EFCAB5: variants seen among roughly 807,000 people sequenced by gnomAD.
EFCAB5 encodes the protein EF-hand calcium-binding domain-containing protein 5.
EFCAB5 carries 131 observed loss-of-function variants against 167.9 expected under a neutral mutation model. That is an observed-to-expected ratio of 0.78 (90% CI 0.68 to 0.90). EFCAB5 has a LOEUF of 0.90. EFCAB5 is among the 40% of genes least tolerant of loss of function. The probability of loss-of-function intolerance (pLI) is 0.00; values close to 1 mark genes in which losing one functional copy is unlikely to be tolerated. For missense variants in EFCAB5, 1,663 were observed against 1,745.2 expected (o/e 0.95, Z 0.84); for synonymous variants, 574 against 602.8 (o/e 0.95, Z 0.70).
At chr17:30,002,101 C>A (rs1410117209) in intron 7 of EFCAB5, among the ~76,000 whole-genome samples, 4 of 152,024 alleles carry the variant, frequency 2.6e-5, no homozygotes, top group Non-Finnish European at 5.9e-5. Context: ...TTTGGTTATG[C>A]CTAATATCCT....
At chr17:30,043,139 C>T (rs1272535856) in intron 8 of EFCAB5, among the ~76,000 whole-genome samples, 1 of 152,054 alleles carries the variant, frequency 6.6e-6, no homozygotes, top group East Asian at 1.9e-4. Flanking sequence ...GCTATCAAAA[C>T]AATTCATCAC....
chr17:30,040,733 A>G (rs775157215), intron 8 of EFCAB5, among the ~76,000 whole-genome samples: 25 of 152,208 alleles, frequency 1.6e-4, no homozygotes, highest in Non-Finnish European at 3.4e-4. Flanking sequence ...AAAATAAAAT[A>G]ATAGACACTA....
chr17:29,977,640 C>A (rs969332426), intron 4 of EFCAB5, among the ~76,000 whole-genome samples: 1 of 152,162 alleles, frequency 6.6e-6, no homozygotes, highest in Admixed American at 6.5e-5. Context: ...TCCTGTGACT[C>A]CTCTTTATTA....
chr17:30,053,316 GAAAC>G lies in EFCAB5; in HGVS notation c.1364_1367del (p.Lys455ThrfsTer13). 6.2e-7 allele frequency: 1 copy of G among 1,613,814 alleles called. No homozygotes were observed. Among genetic ancestry groups the G allele is most frequent in the Admixed American group, 1.7e-5 (1 of 59,986 alleles). Reference sequence around the variant, plus strand: ...AGTTGTGGGGAGACATGGATAATCAGAAACACATTTATGAAGGTTTTGACAAAGT... The same window carrying G: ...AGTTGTGGGGAGACATGGATAATCAGACATTTATGAAGGTTTTGACAAAGT... On this transcript the variant is annotated frameshift_variant, in exon 10 of 23. Coordinates refer to ENST00000394835, the MANE Select transcript of EFCAB5 (RefSeq NM_198529.4). LOFTEE classifies it high-confidence loss of function.
At chr17:30,092,280 C>T (rs1291443367) in intron 21 of EFCAB5, 123 bp downstream of exon 21, 9 of 1,018,344 alleles carry the variant, frequency 8.8e-6, no homozygotes, top group Middle Eastern at 3.2e-4. Context: ...GAGTGGAACA[C>T]GTTCACGTAA....
In EFCAB5 at chr17:30,082,918, T is replaced by C; in HGVS notation, c.3454T>C (p.Tyr1152His). 1 of 1,613,960 alleles carries C rather than the reference T, an allele frequency of 6.2e-7. No homozygotes were observed. Among genetic ancestry groups the C allele is most frequent in the Non-Finnish European group, 8.5e-7 (1 of 1,179,864 alleles). The change falls in exon 18 of 23, where the codon TAT becomes CAT. Residue 1152 changes from tyrosine (Y) to histidine (H), a missense_variant. Tyr to His is a moderately conservative substitution (Grantham distance 83). Coordinates refer to ENST00000394835, the MANE Select transcript of EFCAB5 (RefSeq NM_198529.4). ...QGVANVFSTA[Y>H]HYVHSREHIL... is the part of the protein sequence containing the mutation. ...TGTTGCTAATGTCTTTAGCACTGCC[T>C]ATCACTACGTCCACAGCCGGGAGCA...
intron 7 of EFCAB5, among the ~76,000 whole-genome samples, chr17:30,006,761 C>T (rs1343905939): frequency 3.9e-5 from 6 of 152,180 alleles, no homozygotes; most frequent in Non-Finnish European, 7.4e-5. Flanking sequence ...GTTATTCTCC[C>T]ACATCAGCCT....
intron 17 of EFCAB5, 123 bp from the exon 18 acceptor site, chr17:30,082,768 A>C: frequency 9.5e-7 from 1 of 1,051,162 alleles, no homozygotes; most frequent in Non-Finnish European, 1.3e-6. Flanking sequence ...CTGCTGAATA[A>C]TTTGTAGGAA....
At chr17:29,979,998 C>G (rs2068140302) in intron 4 of EFCAB5, among the ~76,000 whole-genome samples, 1 of 152,076 alleles carries the variant, frequency 6.6e-6, no homozygotes, top group South Asian at 2.1e-4. Flanking sequence ...GTGAAACCCC[C>G]ATCTCTACTA....
chr17:30,055,603 G>A (rs558404527), intron 10 of EFCAB5, among the ~76,000 whole-genome samples: 35 of 152,224 alleles, frequency 2.3e-4, no homozygotes, highest in African/African-American at 7.7e-4. Flanking sequence ...GGTTAAAAAG[G>A]GGGCTATTGT....
At chr17:29,964,218 G>C (rs184371527) in intron 3 of EFCAB5, among the ~76,000 whole-genome samples, 91 of 152,108 alleles carry the variant, frequency 6.0e-4, no homozygotes, top group African/African-American at 2.1e-3. Flanking sequence ...GTCAGTTTAG[G>C]TAATTTCAAG....
rs369215760 is a variant in EFCAB5, at chr17:30,080,053, C to T, written c.3028-19C>T. ...CTTTGGCTGTTGGCAAACACATGGT[C>T]GGAAACGTTTTGCTGTAGGATGCTG... On this transcript the variant is annotated intron_variant, in intron 15 of 22. Transcript: ENST00000394835. The T allele has an allele frequency of 6.3e-6, 10 of 1,588,866 alleles. No homozygotes were observed. The African/African-American group carries it at 1.1e-4, about 17-fold the overall frequency.
intron 6 of EFCAB5, 29 bp from the exon 7 acceptor site, chr17:29,999,877 C>A (rs1372491557): frequency 1.3e-6 from 2 of 1,508,588 alleles, no homozygotes; most frequent in East Asian, 4.8e-5. Flanking sequence ...ACCTAACTAA[C>A]TAGCAAATAA....
rs191429556 is a variant in EFCAB5 at position 29,945,886 on chromosome 17, A to G, written c.190+2237A>G. Among the ~76,000 whole-genome samples the G allele has an allele frequency of 2.6e-5, 4 of 152,312 alleles. No individual in the cohort carries two copies. In the East Asian group the frequency reaches 5.8e-4, roughly 22 times the overall value. ...CTAAGACCTGAAACCTTAAAATTCT[A>G]TAAAATAACCTAGGAAAAACTCTTT... On this transcript the variant is annotated intron_variant, in intron 3 of 22. Coordinates refer to ENST00000394835, the MANE Select transcript of EFCAB5 (RefSeq NM_198529.4).
At chr17:29,984,711 T>C (rs576534058) in intron 4 of EFCAB5, among the ~76,000 whole-genome samples, 2 of 152,100 alleles carry the variant, frequency 1.3e-5, no homozygotes, top group East Asian at 3.9e-4. Context: ...AGAGCGAAAC[T>C]CCATCTCAAA....
chr17:30,081,693 T>C lies in EFCAB5; in HGVS notation c.3426+712T>C, dbSNP rs1044819344. 3.9e-5 allele frequency among the ~76,000 whole-genome samples: 6 copies of C among 152,200 alleles called. No homozygotes were observed. The East Asian group carries it at 1.2e-3, about 29-fold the overall frequency. On this transcript the variant is annotated intron_variant, in intron 17 of 22. Transcript: ENST00000394835. Reference sequence around the variant, plus strand: ...CCCTGTAAGCCTTTGGCTCTTTATGTTTATTTACCATTATTTTTCACTTTC... The same window carrying C: ...CCCTGTAAGCCTTTGGCTCTTTATGCTTATTTACCATTATTTTTCACTTTC...
At chr17:29,943,744 C>T (rs1052478164) in intron 3 of EFCAB5, 95 bp downstream of exon 3, 8 of 1,070,004 alleles carry the variant, frequency 7.5e-6, no homozygotes, top group East Asian at 3.4e-5. Flanking sequence ...GAGGCCGAGG[C>T]GGGTGGATCA....
chr17:30,038,303 T>C (rs1433608657), intron 8 of EFCAB5, among the ~76,000 whole-genome samples: 1 of 152,212 alleles, frequency 6.6e-6, no homozygotes, highest in African/African-American at 2.4e-5. Flanking sequence ...TTAAGAATTA[T>C]GCCAAATCTA....
At chr17:30,070,184 A>T (rs768967594) in intron 14 of EFCAB5, among the ~76,000 whole-genome samples, 17 of 152,206 alleles carry the variant, frequency 1.1e-4, no homozygotes, top group Non-Finnish European at 1.8e-4. Flanking sequence ...AGAAAAGAAA[A>T]TTCACATTTG....
Sources: gnomAD v4.1 joint callset for allele counts (sites outside exome capture counted in the v4.1 genomes callset) on GRCh38, gnomAD v4.1.1 for gene constraint, MANE v1.5 for transcripts, NCBI Gene and HGNC (gene_info 2026-07-23, HGNC 2026-07-21) for gene names.